The following NLRP11 variants were observed in gnomAD, a reference collection of about 807,000 sequenced individuals.
The protein encoded by NLRP11 is NLR family pyrin domain containing 11.
NLRP11 carries 53 observed loss-of-function variants against 79.3 expected under a neutral mutation model. That is an observed-to-expected ratio of 0.67 (90% confidence interval 0.54 to 0.84). The LOEUF is 0.84. Ranked by LOEUF, NLRP11 falls within the 40% of genes least tolerant of loss-of-function variation. The pLI is 0.00. For synonymous variants in NLRP11, 518 were observed against 462.6 expected (o/e 1.12, Z -1.54); for missense variants, 1,264 against 1,255.0 (o/e 1.01, Z -0.11).
chr19:55,812,859 A>T (rs1600193010), intron 2 of NLRP11, among the ~76,000 whole-genome samples: 2 of 152,082 alleles, frequency 1.3e-5, no homozygotes, highest in East Asian at 3.9e-4. Context: ...TGATGAGCAA[A>T]ACCACCACCA....
intron 7 of NLRP11, among the ~76,000 whole-genome samples, chr19:55,790,321 C>G (rs1990161256): frequency 6.6e-6 from 1 of 152,206 alleles, no homozygotes; most frequent in African/African-American, 2.4e-5. Context: ...TCTGTCACAA[C>G]TACTCAGTTT....
At chr19:55,785,597 T>A in exon 10 of NLRP11, 1 of 1,585,844 alleles carries the variant, frequency 6.3e-7, no homozygotes. Context: ...TAGTAATTTA[T>A]AATAAATACT....
At chr19:55,810,461 C>T in intron 2 of NLRP11, 123 bp from the exon 3 acceptor site, 2 of 787,794 alleles carry the variant, frequency 2.5e-6, no homozygotes, top group Non-Finnish European at 4.1e-6. Context: ...CTTACTACTG[C>T]TTATCACAAA....
At chr19:55,821,250 C>CACACACACACACCCA (rs1407880955) in intron 1 of NLRP11, among the ~76,000 whole-genome samples, 1 of 102,492 alleles carries the variant, frequency 9.8e-6, no homozygotes, top group African/African-American at 3.5e-5. Flanking sequence ...CACACACACA[C>CACACACACACACCCA]CCCAAGCACT....
At chr19:55,786,978 T>C (rs16986575) in intron 9 of NLRP11, among the ~76,000 whole-genome samples, 5,459 of 152,312 alleles carry the variant, frequency 0.036, 281 homozygotes, top group African/African-American at 0.11. Flanking sequence ...CAACTCATAG[T>C]AGGGTCTCCA....
At position 55,809,491 on chromosome 19, in the gene NLRP11, A is replaced by G; in HGVS notation, c.1119T>C (p.Phe373=). 6.2e-7 allele frequency: 1 copy of G among 1,614,170 alleles called. No individual in the cohort carries two copies. ...CCTCTGATGTCAACGCATCAGCAAG[A>G]AAGTGGGCATGTAGATCAGTGGGTG... The change falls in exon 3 of 10, where the codon TTT becomes TTC. Residue 373 remains phenylalanine (F), a synonymous_variant. Transcript: ENST00000589093. This position sits in a 1 kb window ranked among gnomAD's most constrained non-coding sequence, Gnocchi z 4.5.
rs1555803816 is a variant in NLRP11 at position 55,817,820 on chromosome 19, G to GGAAAAAAAA, written c.271+83_271+84insTTTTTTTTC. 72 of 836,744 alleles carry GGAAAAAAAA rather than the reference G, an allele frequency of 8.6e-5. 1 individual carries two copies. Among genetic ancestry groups the GGAAAAAAAA allele is most frequent in the African/African-American group, 2.1e-4 (11 of 51,168 alleles). The allele number at this position is 836,744 out of a possible 1,614,324, so 51.8% of individuals were successfully genotyped here. On this transcript the variant is annotated intron_variant, in intron 2 of 9. Coordinates refer to ENST00000589093, the Ensembl canonical transcript of NLRP11. ...CACCTGCTTCCCAGAAACCTATTTA[G>GGAAAAAAAA]AAAAAAAAAAAAAAAAAGGCCCAAC...
chr19:55,814,274 C>T (rs1980875740), intron 2 of NLRP11, among the ~76,000 whole-genome samples: 1 of 152,074 alleles, frequency 6.6e-6, no homozygotes. Context: ...TGTCTAGTGG[C>T]AGGAAAATGA....
intron 2 of NLRP11, among the ~76,000 whole-genome samples, chr19:55,813,937 T>C (rs1980845139): frequency 6.6e-6 from 1 of 151,928 alleles, no homozygotes; most frequent in African/African-American, 2.4e-5. Flanking sequence ...ATGTAAAGGG[T>C]AATAAGAGAT....
At chr19:55,827,652 A>G (rs1336374070) in intron 1 of NLRP11, among the ~76,000 whole-genome samples, 1 of 151,322 alleles carries the variant, frequency 6.6e-6, no homozygotes, top group African/African-American at 2.4e-5. Context: ...GCAGCCAAAA[A>G]AAACATGAAA....
At chr19:55,787,299 C>G (rs1191431146) in intron 9 of NLRP11, among the ~76,000 whole-genome samples, 4 of 152,186 alleles carry the variant, frequency 2.6e-5, no homozygotes, top group African/African-American at 9.7e-5. Context: ...GTATCAATCA[C>G]ACTCTTGTAT....
intron 1 of NLRP11, among the ~76,000 whole-genome samples, chr19:55,827,896 C>T (rs1018754054): frequency 1.3e-5 from 2 of 151,544 alleles, no homozygotes; most frequent in African/African-American, 4.9e-5. Flanking sequence ...TACCATTTGA[C>T]CCAGCCATCC....
Position 55,823,597 on chromosome 19 carries a change from C to A in NLRP11, c.-62-5361G>T, listed in dbSNP as rs886820431. On this transcript the variant is annotated intron_variant, in intron 1 of 9. Transcript: ENST00000589093. ...GCTGATGGAGCTGAAAACCAAGGCT[C>A]GAGAACTACGTGAAGAATGCAGAAG... 1.2e-4 allele frequency among the ~76,000 whole-genome samples: 17 copies of A among 144,476 alleles called. 2 individuals carry two copies. The highest frequency in any genetic ancestry group is 4.0e-4 in the African/African-American group (15 of 37,628). The allele number at this position is 144,476 out of a possible 152,430, so 94.8% of individuals were successfully genotyped here.
exon 3 of NLRP11, chr19:55,808,923 C>A: frequency 6.2e-7 from 1 of 1,614,058 alleles, no homozygotes; most frequent in Non-Finnish European, 8.5e-7. Flanking sequence ...ATGAGAGCAT[C>A]CACAATCGTC....
intron 6 of NLRP11, among the ~76,000 whole-genome samples, chr19:55,793,555 CCAA>C (rs1978494882): frequency 3.3e-5 from 1 of 30,668 alleles, no homozygotes; most frequent in African/African-American, 1.3e-4. Flanking sequence ...GTGACTGTCT[CCAA>C]AAAAAAAAAA....
upstream of NLRP11, among the ~76,000 whole-genome samples, chr19:55,832,502 G>A (rs1419136456): frequency 1.3e-5 from 2 of 152,164 alleles, no homozygotes; most frequent in East Asian, 1.9e-4. Context: ...CGGGGGGCCC[G>A]TCTTGGCTGC....
In NLRP11 at chr19:55,810,000, C is replaced by T; in HGVS notation, c.610G>A (p.Ala204Thr). The T allele has an allele frequency of 5.0e-6, 8 of 1,614,180 alleles. No homozygotes were observed. Among genetic ancestry groups the T allele is most frequent in the Non-Finnish European group, 5.9e-6 (7 of 1,180,032 alleles). ...GCCTGGCCGTCAGGCCAGTCCTTGG[C>T]GATTAGCTCAGCCAAGCTGCTGTTG... The change falls in exon 3 of 10, where the codon GCC becomes ACC. Residue 204 changes from alanine to threonine, a missense_variant. Transcript: ENST00000589093. The surrounding 1 kb of genome is among the most constrained non-coding windows in gnomAD (Gnocchi z 4.5).
At chr19:55,800,292 T>G (rs773031733) in intron 5 of NLRP11, among the ~76,000 whole-genome samples, 1 of 152,172 alleles carries the variant, frequency 6.6e-6, no homozygotes, top group Admixed American at 6.5e-5. Context: ...TACATTTACA[T>G]TGGAATTTAT....
intron 1 of NLRP11, among the ~76,000 whole-genome samples, chr19:55,821,205 TCACA>T (rs950312294): frequency 0.019 from 1,628 of 85,100 alleles, 15 homozygotes; most frequent in African/African-American, 0.057. Flanking sequence ...TCTCTCTCTC[TCACA>T]CACACACACA....
Sources: allele counts gnomAD v4.1 joint callset (sites outside exome capture counted in the v4.1 genomes callset), GRCh38; gene constraint gnomAD v4.1.1; non-coding constraint Gnocchi (gnomAD v3.1); transcripts MANE v1.5; gene names NCBI Gene and HGNC (gene_info 2026-07-23, HGNC 2026-07-21).